PAN3: variants seen among roughly 807,000 people sequenced by gnomAD.
The protein encoded by PAN3 is poly(A) specific ribonuclease subunit PAN3.
A neutral mutation model predicts 96.2 loss-of-function variants in PAN3; 19 were observed. That is an observed-to-expected ratio of 0.20 (90% CI 0.14 to 0.29). The LOEUF (loss-of-function observed/expected upper bound fraction) is 0.29. PAN3 is among the 10% of genes least tolerant of loss of function. The pLI, the probability that PAN3 is intolerant of heterozygous loss-of-function variation, is 1.00. For missense variants in PAN3, 882 were observed against 1,108.1 expected, an observed-to-expected ratio of 0.80 and a Z score of 2.90; for synonymous variants, 433 against 406.6, an observed-to-expected ratio of 1.06 and a Z score of -0.78.
rs565499867 is a variant in PAN3, at chr13:28,245,585, T to A, written c.1001-10707T>A. The stretch of plus-strand genomic sequence containing the variant: ...GTATGTAATTCAGTAGGTTTTAATA[T>A]ATCAAAAGATCATGGAACCATTACC... On this transcript the variant is annotated intron_variant, in intron 6 of 18. Coordinates refer to ENST00000380958, the MANE Select transcript of PAN3 (RefSeq NM_175854.8). Among the ~76,000 whole-genome samples, 18 of 152,326 alleles carry A rather than the reference T, an allele frequency of 1.2e-4. 1 individual carries two copies. In the South Asian group the frequency reaches 3.7e-3, roughly 32 times the overall value.
At position 28,266,761 on chromosome 13, in the gene PAN3, A is replaced by G. The variant is rs779375383; in HGVS notation, c.1458A>G (p.Glu486=). 1.9e-6 allele frequency: 3 copies of G among 1,609,484 alleles called. No homozygotes were observed. Among genetic ancestry groups the G allele is most frequent in the Non-Finnish European group, 2.5e-6 (3 of 1,177,592 alleles). Residue 486 remains glutamate (E), a synonymous_variant, in exon 10 of 19, where the codon GAA becomes GAG. Transcript: ENST00000380958. ...VDSYHSLFPL[E]PLPPPNRIQK... ...GCTACCATAGCCTATTCCCTCTAGA[A>G]CCACTGCCACCTCCCAACCGGATAC...
At chr13:28,158,390 A>G (rs1204834930) in intron 1 of PAN3, among the ~76,000 whole-genome samples, 3 of 152,204 alleles carry the variant, frequency 2.0e-5, no homozygotes, top group African/African-American at 7.2e-5. Flanking sequence ...GAAACTATCA[A>G]TAGAGTAAGC....
intron 6 of PAN3, among the ~76,000 whole-genome samples, chr13:28,247,520 C>T (rs1284798349): frequency 1.3e-5 from 2 of 152,096 alleles, no homozygotes; most frequent in Non-Finnish European, 2.9e-5. Flanking sequence ...AGACTGATGT[C>T]CTGAGGGCTT....
chr13:28,261,842 A>AAAG (rs1555290908), intron 9 of PAN3, among the ~76,000 whole-genome samples: 5 of 149,678 alleles, frequency 3.3e-5, no homozygotes, highest in African/African-American at 1.2e-4. Flanking sequence ...CAAAAAAAAA[A>AAAG]AAAAAAAAAG....
intron 4 of PAN3, among the ~76,000 whole-genome samples, chr13:28,182,305 C>A (rs1299197337): frequency 6.6e-6 from 1 of 152,162 alleles, no homozygotes; most frequent in African/African-American, 2.4e-5. Context: ...TTGGCTTTCT[C>A]CTTTTATATC....
Position 28,294,195 on chromosome 13 carries a change from A to G in PAN3, c.*1673A>G, listed in dbSNP as rs1418234498. ...GCATCAGTTGTTGAGTTAAAAAGAA[A>G]ATTATTGCATTTGATCTGGATGGAT... On this transcript the variant is annotated 3_prime_UTR_variant, in exon 19 of 19. Transcript: ENST00000380958. The G allele has an allele frequency of 2.0e-5, 3 of 152,756 alleles. No individual in the cohort carries two copies. The East Asian group carries it at 5.8e-4, about 29-fold the overall frequency. 9.5% of individuals were successfully genotyped at this position (152,756 alleles called of 1,614,324 possible). A position where few individuals can be genotyped will look rare whatever the true frequency, so the allele number is the denominator to read the frequency against.
intron 5 of PAN3, among the ~76,000 whole-genome samples, chr13:28,208,646 A>C (rs959699887): frequency 6.6e-6 from 1 of 152,176 alleles, no homozygotes; most frequent in African/African-American, 2.4e-5. Context: ...TTGAGCTCAA[A>C]AAGTTTCAGA....
intron 1 of PAN3, among the ~76,000 whole-genome samples, chr13:28,150,773 T>C (rs1229706944): frequency 6.6e-6 from 1 of 152,164 alleles, no homozygotes; most frequent in East Asian, 1.9e-4. Context: ...TTAATAAACA[T>C]TTATTGAGTG....
chr13:28,253,998 C>G (rs1001866466), intron 6 of PAN3, among the ~76,000 whole-genome samples: 6 of 152,090 alleles, frequency 3.9e-5, no homozygotes, highest in African/African-American at 9.7e-5. Flanking sequence ...AAGAGAGATT[C>G]TACTTTTTGT....
At chr13:28,282,880 GTTTATTTATTTA>G (rs3057869) in intron 17 of PAN3, among the ~76,000 whole-genome samples, 2 of 150,988 alleles carry the variant, frequency 1.3e-5, no homozygotes, top group South Asian at 2.1e-4. Flanking sequence ...TCCTTGGTTT[GTTTATTTATTTA>G]TTTATTTATT....
intron 6 of PAN3, 85 bp downstream of exon 6, chr13:28,220,463 T>A: frequency 1.4e-6 from 2 of 1,432,072 alleles, no homozygotes; most frequent in Admixed American, 4.3e-5. Flanking sequence ...ACTGAAATTG[T>A]ATACTTGAAT....
At chr13:28,262,950 A>G (rs940019525) in intron 9 of PAN3, among the ~76,000 whole-genome samples, 2 of 152,256 alleles carry the variant, frequency 1.3e-5, no homozygotes, top group African/African-American at 4.8e-5. Flanking sequence ...GAGGTTACTC[A>G]TGATTAGGAA....
chr13:28,217,597 A>AG (rs397941977), intron 5 of PAN3, among the ~76,000 whole-genome samples: 1 of 147,776 alleles, frequency 6.8e-6, no homozygotes, highest in Non-Finnish European at 1.5e-5. Context: ...CAAAAAAAAA[A>AG]CAAAAAAAAA....
At chr13:28,203,300 ATTAT>A (rs1374170485) in intron 5 of PAN3, among the ~76,000 whole-genome samples, 1 of 141,738 alleles carries the variant, frequency 7.1e-6, no homozygotes, top group Admixed American at 7.0e-5. Context: ...ACTTTTCTAT[ATTAT>A]TTATTTATTT....
At chr13:28,291,028 A>G (rs1869683647) in intron 18 of PAN3, among the ~76,000 whole-genome samples, 1 of 152,184 alleles carries the variant, frequency 6.6e-6, no homozygotes, top group African/African-American at 2.4e-5. Flanking sequence ...GTTTCACATC[A>G]TGAACTAGCT....
At chr13:28,156,188 G>A (rs1351664929) in intron 1 of PAN3, among the ~76,000 whole-genome samples, 1 of 122,302 alleles carries the variant, frequency 8.2e-6, no homozygotes, top group African/African-American at 2.6e-5. Flanking sequence ...ACAGAAAAAA[G>A]AAGATCCAAA....
At chr13:28,282,748 A>G (rs1868445742) in intron 17 of PAN3, among the ~76,000 whole-genome samples, 1 of 151,522 alleles carries the variant, frequency 6.6e-6, no homozygotes, top group South Asian at 2.1e-4. Flanking sequence ...TCCTGTTCCT[A>G]TCTGGGCTGG....
At position 28,271,945 on chromosome 13, in the gene PAN3, T is replaced by G. The variant is rs765533404; in HGVS notation, c.1959-36T>G. 5 of 1,397,306 alleles carry G rather than the reference T, an allele frequency of 3.6e-6. No homozygotes were observed. The East Asian group carries it at 9.7e-5, about 27-fold the overall frequency. 86.6% of individuals were successfully genotyped at this position (1,397,306 alleles called of 1,614,324 possible). ...AGTATGCAATTTTTTAAAAACTTAT[T>G]TTAATTATTTTCTTTAAATTATCTG... On this transcript the variant is annotated intron_variant, in intron 13 of 18. Transcript: ENST00000380958.
At chr13:28,261,328 T>C (rs1195232315) in intron 8 of PAN3, 73 bp from the exon 9 acceptor site, 20 of 1,039,700 alleles carry the variant, frequency 1.9e-5, no homozygotes, top group Non-Finnish European at 2.7e-5. Context: ...ATACTTAGGT[T>C]ATTTAATTAT....
Sources: allele counts gnomAD v4.1 joint callset (sites outside exome capture counted in the v4.1 genomes callset), GRCh38; gene constraint gnomAD v4.1.1; transcripts MANE v1.5; gene names NCBI Gene and HGNC (gene_info 2026-07-23, HGNC 2026-07-21).